Variants in WWOX observed in about 807,000 individuals in gnomAD.
WWOX encodes WW domain-containing oxidoreductase.
WWOX carries 69 observed loss-of-function variants against 46.2 expected under a neutral mutation model. The observed-to-expected ratio is 1.49, with a 90% CI of 1.23 to 1.82. The LOEUF (loss-of-function observed/expected upper bound fraction) is 1.82, where lower values mean the gene tolerates loss of function less well. Among genes scored for constraint, WWOX ranks in the 40% most tolerant of loss-of-function variants. The pLI is 0.00. For synonymous variants in WWOX, 359 were observed against 202.6 expected (o/e 1.77, Z -6.56); for missense variants, 919 against 542.6 (o/e 1.69, Z -6.89).
chr16:78,651,779 C>T (rs931000517), intron 8 of WWOX, among the ~76,000 whole-genome samples: 1 of 152,286 alleles, frequency 6.6e-6, no homozygotes, highest in South Asian at 2.1e-4. Context: ...TGCTTTGGAA[C>T]GAGACACTGT....
intron 8 of WWOX, among the ~76,000 whole-genome samples, chr16:79,083,096 A>C (rs897887680): frequency 1.3e-5 from 2 of 152,178 alleles, no homozygotes; most frequent in African/African-American, 4.8e-5. Context: ...TAATGAATGA[A>C]GAACCTGACA....
At chr16:78,926,069 G>T (rs77506883) in intron 8 of WWOX, among the ~76,000 whole-genome samples, 3,165 of 152,304 alleles carry the variant, frequency 0.021, 46 homozygotes, top group African/African-American at 0.048. Flanking sequence ...AGAAACTGCT[G>T]CTCTTGGTAG....
chr16:78,407,910 T>G (rs1038172640), intron 6 of WWOX, among the ~76,000 whole-genome samples: 1 of 152,214 alleles, frequency 6.6e-6, no homozygotes, highest in Non-Finnish European at 1.5e-5. Context: ...ACATACAGAT[T>G]ATGGCACATG....
intron 8 of WWOX, among the ~76,000 whole-genome samples, chr16:79,131,138 G>A (rs537810200): frequency 3.9e-5 from 6 of 152,202 alleles, no homozygotes; most frequent in South Asian, 4.2e-4. Context: ...CCTGCCTCCC[G>A]GGCCTTCCTT....
rs181864591 is a variant in WWOX at position 79,080,595 on chromosome 16, G to T, written c.1057-131013G>T. 7.9e-5 allele frequency among the ~76,000 whole-genome samples: 12 copies of T among 152,264 alleles called. No individual in the cohort carries two copies. The East Asian group carries it at 2.3e-3, about 29-fold the overall frequency. Reference sequence around the variant, plus strand: ...ACTGAATCTCGAATCCAAATTCCTGGATTTGGATGGACTCAATCTGGACCC... The same window carrying T: ...ACTGAATCTCGAATCCAAATTCCTGTATTTGGATGGACTCAATCTGGACCC... On this transcript the variant is annotated intron_variant, in intron 8 of 8. Coordinates refer to ENST00000566780, the MANE Select transcript of WWOX (RefSeq NM_016373.4).
At chr16:78,769,250 A>C (rs2050002100) in intron 8 of WWOX, among the ~76,000 whole-genome samples, 1 of 152,162 alleles carries the variant, frequency 6.6e-6, no homozygotes, top group Non-Finnish European at 1.5e-5. Flanking sequence ...AGCCCGTGTA[A>C]TGCCACCTGG....
chr16:78,931,975 C>T (rs891755653), intron 8 of WWOX, among the ~76,000 whole-genome samples: 1 of 152,232 alleles, frequency 6.6e-6, no homozygotes, highest in Non-Finnish European at 1.5e-5. Flanking sequence ...TGCACAAACT[C>T]TCTTGCCTGC....
In WWOX at chr16:78,266,351, T is replaced by C. The variant is rs189533817; in HGVS notation, c.516+102062T>C. The stretch of plus-strand genomic sequence containing the variant: ...ACACAGCCCTACACACCTTCATTTA[T>C]AAGCTATCTGTGGCTACTTTTGCAC... On this transcript the variant is annotated intron_variant, in intron 5 of 8. Transcript: ENST00000566780. Among the ~76,000 whole-genome samples the C allele has an allele frequency of 1.2e-4, 18 of 152,374 alleles. 1 individual carries two copies. In the East Asian group the frequency reaches 3.5e-3, roughly 29 times the overall value.
At chr16:78,619,291 G>C (rs749345021) in intron 8 of WWOX, among the ~76,000 whole-genome samples, 16 of 127,100 alleles carry the variant, frequency 1.3e-4, no homozygotes, top group Non-Finnish European at 2.3e-4. Context: ...TTGAACCTGG[G>C]AGTCGGAGGT....
intron 8 of WWOX, among the ~76,000 whole-genome samples, chr16:78,740,874 C>T (rs1050529203): frequency 1.3e-5 from 2 of 152,102 alleles, no homozygotes; most frequent in Admixed American, 6.6e-5. Context: ...CATTATCATC[C>T]TTTGTCTACT....
chr16:79,084,773 G>A (rs2048823823), intron 8 of WWOX, among the ~76,000 whole-genome samples: 3 of 151,998 alleles, frequency 2.0e-5, no homozygotes, highest in Admixed American at 1.3e-4. Context: ...GTTAGGGTTT[G>A]CTGCATTTTA....
At chr16:79,209,268 A>G (rs1400993773) in intron 8 of WWOX, among the ~76,000 whole-genome samples, 2 of 152,238 alleles carry the variant, frequency 1.3e-5, no homozygotes, top group Non-Finnish European at 2.9e-5. Flanking sequence ...TCCTGCAACA[A>G]TGGCATTCTG....
chr16:78,261,627 C>T (rs1018956634), intron 5 of WWOX, among the ~76,000 whole-genome samples: 4 of 149,810 alleles, frequency 2.7e-5, no homozygotes, highest in Non-Finnish European at 4.4e-5. Context: ...ATTGCAACTA[C>T]GTGTTTGGGA....
At chr16:79,014,878 G>T (rs190415698) in intron 8 of WWOX, among the ~76,000 whole-genome samples, 7 of 152,300 alleles carry the variant, frequency 4.6e-5, no homozygotes, top group African/African-American at 1.7e-4. Flanking sequence ...GTGAGCATCA[G>T]CTGTTTCAAT....
At chr16:78,481,764 T>TGTTTGCGC (rs149940474) in intron 8 of WWOX, among the ~76,000 whole-genome samples, 1 of 148,036 alleles carries the variant, frequency 6.8e-6, no homozygotes, top group African/African-American at 2.5e-5. Flanking sequence ...TGTGTGTGTG[T>TGTTTGCGC]GCGCGCGCCT....
intron 8 of WWOX, among the ~76,000 whole-genome samples, chr16:78,581,951 C>CAAATT (rs1215273193): frequency 6.6e-6 from 1 of 152,164 alleles, no homozygotes; most frequent in Non-Finnish European, 1.5e-5. Context: ...CTCCTAGCAT[C>CAAATT]TGTGAAAATT....
intron 5 of WWOX, among the ~76,000 whole-genome samples, chr16:78,368,929 G>T (rs141048289): frequency 2.0e-5 from 3 of 152,142 alleles, no homozygotes; most frequent in Non-Finnish European, 4.4e-5. Context: ...GCGACTGTCA[G>T]TTGCTCTCTA....
rs1412504260 is a variant in WWOX, at chr16:78,994,837, G to A, written c.1057-216771G>A. Among the ~76,000 whole-genome samples the A allele has an allele frequency of 2.0e-5, 3 of 152,032 alleles. No homozygotes were observed. In the East Asian group the frequency reaches 5.8e-4, roughly 29 times the overall value. On this transcript the variant is annotated intron_variant, in intron 8 of 8. Coordinates refer to ENST00000566780, the MANE Select transcript of WWOX (RefSeq NM_016373.4). The stretch of plus-strand genomic sequence containing the variant: ...CATGCACCATTTGCCGTTGCACTAG[G>A]GCTCTTTTCAGGAGCTGTGAAGCCA...
At chr16:79,060,162 G>A (rs780469224) in intron 8 of WWOX, among the ~76,000 whole-genome samples, 3 of 152,168 alleles carry the variant, frequency 2.0e-5, no homozygotes, top group African/African-American at 4.8e-5. Flanking sequence ...TGGGGGTGGG[G>A]AGGAGAACAT....
Sources: gnomAD v4.1 joint callset for allele counts (sites outside exome capture counted in the v4.1 genomes callset) on GRCh38, gnomAD v4.1.1 for gene constraint, MANE v1.5 for transcripts, NCBI Gene and HGNC (gene_info 2026-07-23, HGNC 2026-07-21) for gene names.